SIL1: variants seen among roughly 807,000 people sequenced by gnomAD.
SIL1 encodes the protein SIL1 nucleotide exchange factor, also known as nucleotide exchange factor SIL1.
In SIL1, 40 loss-of-function variants were observed where a neutral mutation model predicts 49.1. The observed-to-expected ratio is 0.81, with a 90% confidence interval of 0.63 to 1.06. The LOEUF (loss-of-function observed/expected upper bound fraction) is 1.06, where lower values mean the gene tolerates loss of function less well. Among genes scored for constraint, SIL1 ranks in the 50% least tolerant of loss-of-function variants. The pLI, the probability that SIL1 is intolerant of heterozygous loss-of-function variation, is 0.00. For synonymous variants in SIL1, 253 were observed against 250.8 expected (o/e 1.01, Z -0.08); for missense variants, 500 against 572.6 (o/e 0.87, Z 1.29).
intron 3 of SIL1, among the ~76,000 whole-genome samples, chr5:139,061,506 A>G (rs1769588236): frequency 6.6e-6 from 1 of 152,148 alleles, no homozygotes; most frequent in African/African-American, 2.4e-5. Context: ...TCTGCTCCTC[A>G]CTTGGCTATC....
intron 3 of SIL1, among the ~76,000 whole-genome samples, chr5:139,068,689 A>G (rs1393432638): frequency 6.6e-6 from 1 of 150,864 alleles, no homozygotes; most frequent in African/African-American, 2.4e-5. Context: ...AGAAAGCACT[A>G]TGGATTTAGA....
intron 3 of SIL1, among the ~76,000 whole-genome samples, chr5:139,054,669 T>A (rs1364872798): frequency 6.6e-6 from 1 of 152,188 alleles, no homozygotes; most frequent in East Asian, 1.9e-4. Context: ...TGTAAGTGTA[T>A]AAGCTTCAGA....
chr5:139,022,939 G>A (rs1339998144), intron 6 of SIL1, among the ~76,000 whole-genome samples: 2 of 152,052 alleles, frequency 1.3e-5, no homozygotes, highest in Admixed American at 6.5e-5. Context: ...CAAAACTATG[G>A]CTCAGAATCC....
chr5:138,949,560 A>G (rs1766715594), intron 9 of SIL1, among the ~76,000 whole-genome samples: 1 of 152,112 alleles, frequency 6.6e-6, no homozygotes, highest in South Asian at 2.1e-4. Flanking sequence ...CACGCCTATA[A>G]TTCCAATACT....
intron 3 of SIL1, among the ~76,000 whole-genome samples, chr5:139,115,083 T>TCCTTGGGGACCC (rs1770959251): frequency 6.6e-6 from 1 of 151,998 alleles, no homozygotes; most frequent in South Asian, 2.1e-4. Context: ...GAGATTATAC[T>TCCTTGGGGACCC]CTTGGGGACC....
intron 3 of SIL1, among the ~76,000 whole-genome samples, chr5:139,074,714 G>A (rs111537265): frequency 4.6e-5 from 7 of 152,346 alleles, no homozygotes; most frequent in African/African-American, 9.6e-5. Flanking sequence ...CACATTGGCC[G>A]TAGTTTGTGA....
chr5:139,143,332 C>T lies in SIL1; in HGVS notation c.-10-15479G>A, dbSNP rs1258838250. 3.7e-3 allele frequency among the ~76,000 whole-genome samples: 335 copies of T among 90,514 alleles called. 3 individuals carry two copies. Among genetic ancestry groups the T allele is most frequent in the African/African-American group, 9.9e-3 (217 of 21,978 alleles). 59.4% of individuals were successfully genotyped at this position (90,514 alleles called of 152,430 possible). On this transcript the variant is annotated intron_variant, in intron 1 of 9. Transcript: ENST00000394817. Reference sequence around the variant, plus strand: ...ACACACACACACACACACACACACACACACACACACACATATATATATATA... The same window carrying T: ...ACACACACACACACACACACACACATACACACACACACATATATATATATA...
At chr5:139,049,168 T>C (rs531873390) in intron 4 of SIL1, among the ~76,000 whole-genome samples, 2 of 152,242 alleles carry the variant, frequency 1.3e-5, no homozygotes, top group South Asian at 4.2e-4. Flanking sequence ...TGCAAAATAC[T>C]GGGTTTTTGT....
intron 7 of SIL1, among the ~76,000 whole-genome samples, chr5:138,974,290 A>G (rs886390899): frequency 1.8e-4 from 28 of 152,078 alleles, no homozygotes; most frequent in Middle Eastern, 3.4e-3. Flanking sequence ...CACCTCCCCC[A>G]ACTTGCCATC....
chr5:139,043,055 A>G lies in SIL1; in HGVS notation c.354-336T>C, dbSNP rs376011084. Among the ~76,000 whole-genome samples, 186 of 152,332 alleles carry G rather than the reference A, an allele frequency of 1.2e-3. 3 individuals carry two copies. The highest frequency in any genetic ancestry group is 4.3e-3 in the African/African-American group (180 of 41,584). ...CCAAGAAAGAAAATGTCCCTGGGTG[A>G]ATGGCACCCTAAGGTAAGTGAGGCC... On this transcript the variant is annotated intron_variant, in intron 4 of 9. Coordinates refer to ENST00000394817, the MANE Select transcript of SIL1 (RefSeq NM_022464.5).
At chr5:139,064,108 G>A (rs1015034157) in intron 3 of SIL1, among the ~76,000 whole-genome samples, 5 of 151,980 alleles carry the variant, frequency 3.3e-5, no homozygotes, top group Admixed American at 2.0e-4. Flanking sequence ...TATTGTTCTC[G>A]TTTACAGCAC....
intron 3 of SIL1, among the ~76,000 whole-genome samples, chr5:139,072,247 A>ATACAT (rs1769850845): frequency 2.0e-5 from 3 of 152,374 alleles, no homozygotes; most frequent in South Asian, 2.1e-4. Context: ...CCTAAAACAT[A>ATACAT]TTAATACATT....
intron 3 of SIL1, among the ~76,000 whole-genome samples, chr5:139,052,433 C>G (rs1024467734): frequency 1.3e-5 from 2 of 152,194 alleles, no homozygotes; most frequent in Non-Finnish European, 2.9e-5. Context: ...GGCATGGTTG[C>G]TCACACTTTG....
At chr5:139,070,025 C>T (rs906466393) in intron 3 of SIL1, among the ~76,000 whole-genome samples, 11 of 151,890 alleles carry the variant, frequency 7.2e-5, no homozygotes, top group South Asian at 2.1e-4. Flanking sequence ...GTAAGACCGG[C>T]GGTAAACATT....
intron 7 of SIL1, among the ~76,000 whole-genome samples, chr5:138,957,011 C>T (rs1030015605): frequency 3.9e-5 from 6 of 152,018 alleles, no homozygotes; most frequent in Non-Finnish European, 7.4e-5. Flanking sequence ...AAGCCACCCA[C>T]GTAAGCAACT....
intron 9 of SIL1, among the ~76,000 whole-genome samples, chr5:138,950,123 C>T (rs989910817): frequency 2.0e-5 from 3 of 152,298 alleles, no homozygotes; most frequent in Non-Finnish European, 2.9e-5. Context: ...CCCAGGATGC[C>T]AGGGCTGGGG....
At chr5:139,122,510 G>A (rs1029153726) in intron 2 of SIL1, among the ~76,000 whole-genome samples, 10 of 151,846 alleles carry the variant, frequency 6.6e-5, no homozygotes, top group Middle Eastern at 3.2e-3. Context: ...CAACAGGATC[G>A]TTAGAGCCCA....
intron 7 of SIL1, among the ~76,000 whole-genome samples, chr5:138,993,180 A>G (rs1767793502): frequency 6.6e-6 from 1 of 152,090 alleles, no homozygotes; most frequent in African/African-American, 2.4e-5. Flanking sequence ...CCCTTAAGAG[A>G]TTTTTAAGTG....
intron 1 of SIL1, among the ~76,000 whole-genome samples, chr5:139,143,889 A>C (rs2151802649): frequency 6.6e-6 from 1 of 152,358 alleles, no homozygotes; most frequent in South Asian, 2.1e-4. Flanking sequence ...GAAGCAAAAG[A>C]CTTTACACTG....
Sources: allele counts gnomAD v4.1 joint callset (sites outside exome capture counted in the v4.1 genomes callset), GRCh38; gene constraint gnomAD v4.1.1; transcripts MANE v1.5; gene names NCBI Gene and HGNC (gene_info 2026-07-23, HGNC 2026-07-21).